SLIT3: variants seen among roughly 807,000 people sequenced by gnomAD.
SLIT3 encodes slit guidance ligand 3.
Under a neutral mutation model 184.0 loss-of-function variants are expected in SLIT3, and 68 were observed. The observed-to-expected ratio is 0.37, with a 90% confidence interval of 0.30 to 0.45. SLIT3 has a LOEUF of 0.45. SLIT3 is among the 20% of genes least tolerant of loss of function. The pLI, the probability that SLIT3 is intolerant of heterozygous loss-of-function variation, is 1.00. For synonymous variants in SLIT3, 831 were observed against 828.6 expected (o/e 1.00, Z -0.05); for missense variants, 1,707 against 2,026.0 (o/e 0.84, Z 3.02).
intron 12 of SLIT3, among the ~76,000 whole-genome samples, chr5:168,780,786 C>T (rs1006012912): frequency 6.6e-5 from 10 of 152,188 alleles, no homozygotes; most frequent in African/African-American, 2.4e-4. Context: ...GACCACTCTC[C>T]CACCTTAGAA....
At chr5:169,240,751 T>C (rs79773610) in intron 3 of SLIT3, among the ~76,000 whole-genome samples, 1 of 151,674 alleles carries the variant, frequency 6.6e-6, no homozygotes, top group African/African-American at 2.4e-5. Context: ...CATGTTTAAA[T>C]GTATCATCTT....
intron 3 of SLIT3, 23 bp downstream of exon 3, chr5:169,244,681 GA>G (rs777727972): frequency 1.9e-6 from 3 of 1,598,050 alleles, no homozygotes; most frequent in South Asian, 2.2e-5. Flanking sequence ...AATACTTTAA[GA>G]AAGGAGGCTG....
intron 20 of SLIT3, among the ~76,000 whole-genome samples, chr5:168,738,756 G>C (rs1022200145): frequency 6.6e-6 from 1 of 152,036 alleles, no homozygotes; most frequent in Non-Finnish European, 1.5e-5. Flanking sequence ...GGCTAATACG[G>C]TGAAACCCCG....
chr5:169,167,575 C>T (rs886299524), intron 4 of SLIT3, among the ~76,000 whole-genome samples: 1 of 152,092 alleles, frequency 6.6e-6, no homozygotes, highest in Non-Finnish European at 1.5e-5. Flanking sequence ...CGCGCCCGGC[C>T]TCTAAGCACT....
intron 12 of SLIT3, among the ~76,000 whole-genome samples, chr5:168,779,561 A>G (rs1179151197): frequency 6.6e-6 from 1 of 152,196 alleles, no homozygotes; most frequent in Non-Finnish European, 1.5e-5. Flanking sequence ...AAGAGGTATT[A>G]GCACTCAGCC....
chr5:168,839,797 T>C (rs555264957), intron 6 of SLIT3, among the ~76,000 whole-genome samples: 13 of 152,198 alleles, frequency 8.5e-5, no homozygotes, highest in Non-Finnish European at 1.9e-4. Flanking sequence ...AGGGGCTCCC[T>C]TCTGAACAAT....
Position 168,748,401 on chromosome 5 carries a change from C to G in SLIT3, c.2171G>C (p.Arg724Pro), listed in dbSNP as rs1754574113. 6.6e-7 allele frequency: 1 copy of G among 1,522,056 alleles called. No individual in the cohort carries two copies. The highest frequency in any genetic ancestry group is 8.7e-7 in the Non-Finnish European group (1 of 1,146,804). The allele number at this position is 1,522,056 out of a possible 1,614,324, so 94.3% of individuals were successfully genotyped here. The change falls in exon 20 of 36, where the codon CGC (arginine) becomes CCC (proline). Residue 724 changes from arginine (R) to proline (P), a missense_variant. Around this residue, in one of 3 missense-constraint regions of SLIT3, gnomAD observed 1,307 missense variants for 1,511.6 expected, o/e 0.86. Coordinates refer to ENST00000519560, the MANE Select transcript of SLIT3 (RefSeq NM_003062.4). ...NEESSCQLSP[R>P]CPEQCTCMET... The stretch of plus-strand genomic sequence containing the variant: ...CATACAGGTGCACTGCTCCGGGCAG[C>G]GCGGGCTCAGCTGGCAGCTACTCTC...
intron 8 of SLIT3, among the ~76,000 whole-genome samples, chr5:168,808,807 G>T (rs1029935109): frequency 6.6e-6 from 1 of 152,170 alleles, no homozygotes; most frequent in Non-Finnish European, 1.5e-5. Context: ...CACATCGAAG[G>T]GAGGTTGGGA....
Position 169,213,269 on chromosome 5 carries a change from C to T in SLIT3, c.342-19719G>A, listed in dbSNP as rs370905704. Among the ~76,000 whole-genome samples, 135 of 134,662 alleles carry T rather than the reference C, an allele frequency of 1.0e-3. 2 individuals carry two copies. Among genetic ancestry groups the T allele is most frequent in the African/African-American group, 3.8e-3 (132 of 34,938 alleles). 88.3% of individuals were successfully genotyped at this position (134,662 alleles called of 152,430 possible). On this transcript the variant is annotated intron_variant, in intron 3 of 35. Transcript: ENST00000519560. ...TACAACTTACAAGGGTTGTGAAGGC[C>T]CTCTTCAAGGAGAACCAGAAACCAC...
chr5:169,141,409 T>G (rs182494513), intron 4 of SLIT3, among the ~76,000 whole-genome samples: 54 of 148,530 alleles, frequency 3.6e-4, no homozygotes, highest in African/African-American at 1.0e-3. Context: ...AAGATTTTTT[T>G]TTGTTGTTTG....
At chr5:168,897,647 T>TGCACAC (rs3223457) in intron 4 of SLIT3, among the ~76,000 whole-genome samples, 2,435 of 141,422 alleles carry the variant, frequency 0.017, 86 homozygotes, top group African/African-American at 0.058. Context: ...CAGGTGCACG[T>TGCACAC]ACACACACAC....
intron 5 of SLIT3, among the ~76,000 whole-genome samples, chr5:168,847,568 C>T (rs1758515327): frequency 6.6e-6 from 1 of 152,266 alleles, no homozygotes; most frequent in South Asian, 2.1e-4. Context: ...CCTGATACTT[C>T]CTGCAAATAC....
chr5:168,961,993 G>A (rs970494850), intron 4 of SLIT3, among the ~76,000 whole-genome samples: 2 of 152,126 alleles, frequency 1.3e-5, no homozygotes, highest in Non-Finnish European at 2.9e-5. Flanking sequence ...CTGAGTCACA[G>A]AGCCTGGTGA....
rs577300657 is a variant in SLIT3, at chr5:169,044,593, G to GC, written c.413+148885_413+148886insG. 1.5e-3 allele frequency among the ~76,000 whole-genome samples: 220 copies of GC among 151,540 alleles called. No homozygotes were observed. The East Asian group carries it at 0.033, about 23-fold the overall frequency. ...GCTGGGGGCTGGAGGAAGGTGGGGGGGGGGATGGGGAGAAATTGTTAATGG... is the reference window on the plus strand; with the variant it reads ...GCTGGGGGCTGGAGGAAGGTGGGGGGCGGGGATGGGGAGAAATTGTTAATGG... On this transcript the variant is annotated intron_variant, in intron 4 of 35. Coordinates refer to ENST00000519560, the MANE Select transcript of SLIT3 (RefSeq NM_003062.4).
intron 5 of SLIT3, among the ~76,000 whole-genome samples, chr5:168,857,544 G>C (rs541993507): frequency 2.6e-5 from 4 of 152,260 alleles, no homozygotes; most frequent in African/African-American, 9.6e-5. Context: ...GCATGAAATA[G>C]ATGATTTCTA....
At position 168,724,457 on chromosome 5, in the gene SLIT3, G is replaced by C. The variant is rs142602636; in HGVS notation, c.2298C>G (p.Ala766=). The C allele has an allele frequency of 8.1e-6, 13 of 1,613,058 alleles. No homozygotes were observed. Among genetic ancestry groups the C allele is most frequent in the African/African-American group, 8.0e-5 (6 of 74,898 alleles). Reference sequence around the variant, plus strand: ...GGAGGGCGGACAGCTCTCTGGGCACGGCTGTTAGGTGGTTTCCTTCCAGGT... The same window carrying C: ...GGAGGGCGGACAGCTCTCTGGGCACCGCTGTTAGGTGGTTTCCTTCCAGGT... ...ELYLEGNHLT[A]VPRELSALRH... The change falls in exon 21 of 36, where the codon GCC becomes GCG. Residue 766 remains alanine (A), a synonymous_variant. Coordinates refer to ENST00000519560, the MANE Select transcript of SLIT3 (RefSeq NM_003062.4).
chr5:169,069,003 C>A (rs1196285801), intron 4 of SLIT3, among the ~76,000 whole-genome samples: 4 of 152,062 alleles, frequency 2.6e-5, no homozygotes, highest in Non-Finnish European at 4.4e-5. Context: ...TAGGCATGAA[C>A]CCTACCACAA....
chr5:169,195,821 C>A (rs1418936738), intron 3 of SLIT3, among the ~76,000 whole-genome samples: 2 of 152,040 alleles, frequency 1.3e-5, no homozygotes, highest in African/African-American at 2.4e-5. Flanking sequence ...TCACCGTGCC[C>A]GGCTGAGGGA....
At chr5:168,694,619 C>T (rs1295437299) in intron 28 of SLIT3, among the ~76,000 whole-genome samples, 1 of 152,058 alleles carries the variant, frequency 6.6e-6, no homozygotes, top group Non-Finnish European at 1.5e-5. Flanking sequence ...TTATCTCTCT[C>T]TCTTTCTTTC....
Sources: allele counts gnomAD v4.1 joint callset (sites outside exome capture counted in the v4.1 genomes callset), GRCh38; gene constraint gnomAD v4.1.1; regional missense constraint gnomAD v4.1.1; transcripts MANE v1.5; gene names NCBI Gene and HGNC (gene_info 2026-07-23, HGNC 2026-07-21).